Variants in TMEM62 observed in about 807,000 individuals in gnomAD.
The protein encoded by TMEM62 is transmembrane protein 62.
Under a neutral mutation model 70.4 loss-of-function variants are expected in TMEM62, and 41 were observed. The observed-to-expected ratio is 0.58, with a 90% CI of 0.45 to 0.76. TMEM62 has a LOEUF of 0.76. Ranked by LOEUF, TMEM62 falls within the 30% of genes least tolerant of loss-of-function variation. The pLI is 0.00. For synonymous variants in TMEM62, 268 were observed against 291.0 expected, an observed-to-expected ratio of 0.92 and a Z score of 0.80; for missense variants, 688 against 788.5, an observed-to-expected ratio of 0.87 and a Z score of 1.53.
intron 8 of TMEM62, among the ~76,000 whole-genome samples, chr15:43,154,097 A>T (rs2037744535): frequency 6.6e-6 from 1 of 152,246 alleles, no homozygotes; most frequent in Non-Finnish European, 1.5e-5. Context: ...ATTAACTTGT[A>T]AAAAATGGTA....
intron 3 of TMEM62, among the ~76,000 whole-genome samples, chr15:43,137,601 A>G (rs904416755): frequency 2.6e-5 from 4 of 152,260 alleles, no homozygotes; most frequent in Admixed American, 2.6e-4. Context: ...CTGGAGCCTC[A>G]GTTAAATCTG....
intron 10 of TMEM62, among the ~76,000 whole-genome samples, chr15:43,163,493 G>A (rs1373577304): frequency 1.3e-5 from 2 of 151,740 alleles, no homozygotes; most frequent in South Asian, 2.1e-4. Flanking sequence ...ATTAAAATAC[G>A]GTTCTGGGGC....
chr15:43,180,080 T>G (rs953763243), intron 12 of TMEM62: 1 of 152,216 alleles, frequency 6.6e-6, no homozygotes, highest in Non-Finnish European at 1.5e-5. Context: ...AAATTGCCTC[T>G]GACTTTTTAA....
intron 12 of TMEM62, chr15:43,180,566 A>T (rs2041237137): frequency 6.6e-6 from 1 of 152,224 alleles, no homozygotes; most frequent in African/African-American, 2.4e-5. Context: ...ACACACTGAG[A>T]ATGGGGCAGT....
chr15:43,134,062 C>T (rs1418783212), intron 1 of TMEM62, 80 bp downstream of exon 1: 11 of 1,438,702 alleles, frequency 7.6e-6, no homozygotes, highest in Non-Finnish European at 1.0e-5. Flanking sequence ...TGTTGGGCCC[C>T]ACGCTCCAGG....
chr15:43,151,082 C>T (rs915950531), intron 7 of TMEM62, among the ~76,000 whole-genome samples: 7 of 152,102 alleles, frequency 4.6e-5, no homozygotes, highest in East Asian at 3.8e-4. Flanking sequence ...TGGTGGCTTA[C>T]GCCTATAATC....
chr15:43,166,565 T>C (rs916192640), intron 10 of TMEM62, among the ~76,000 whole-genome samples: 8 of 151,998 alleles, frequency 5.3e-5, no homozygotes, highest in Non-Finnish European at 8.8e-5. Flanking sequence ...TTCTTTTTTT[T>C]TTTTTTTTTA....
chr15:43,179,254 C>G, intron 12 of TMEM62, among the ~76,000 whole-genome samples: 1 of 152,062 alleles, frequency 6.6e-6, no homozygotes. Context: ...ATATATCTAT[C>G]CATTGGTATT....
chr15:43,166,554 T>C (rs1310796469), intron 10 of TMEM62, among the ~76,000 whole-genome samples: 1 of 151,974 alleles, frequency 6.6e-6, no homozygotes, highest in Non-Finnish European at 1.5e-5. Flanking sequence ...CCTTGAGGTT[T>C]TTCTTTTTTT....
At chr15:43,177,877 T>C (rs547924749) in intron 11 of TMEM62, among the ~76,000 whole-genome samples, 1 of 151,878 alleles carries the variant, frequency 6.6e-6, no homozygotes, top group African/African-American at 2.4e-5. Context: ...GGGATAGCAT[T>C]AGGAGATATA....
chr15:43,176,350 G>A (rs1265095124), intron 11 of TMEM62, among the ~76,000 whole-genome samples: 1 of 152,250 alleles, frequency 6.6e-6, no homozygotes, highest in African/African-American at 2.4e-5. Flanking sequence ...CCAGCACGCA[G>A]CTGGAGATCT....
chr15:43,146,275 T>C (rs922969020), intron 4 of TMEM62: 78 of 431,490 alleles, frequency 1.8e-4, no homozygotes, highest in African/African-American at 1.4e-3. Flanking sequence ...GGTGAACTTG[T>C]ATTTGGTTAT....
In TMEM62 at chr15:43,133,856, G is replaced by T; in HGVS notation, c.54G>T (p.Leu18=). 1 of 1,478,202 alleles carries T rather than the reference G, an allele frequency of 6.8e-7. No individual in the cohort carries two copies. The highest frequency in any genetic ancestry group is 8.9e-7 in the Non-Finnish European group (1 of 1,122,512). 91.6% of individuals were successfully genotyped at this position (1,478,202 alleles called of 1,614,324 possible). The part of the protein sequence containing the change: ...RVVAGLAAAA[L]VAMLLEHYGL... ...TCGCGGGGTTGGCGGCCGCAGCGCT[G>T]GTGGCCATGCTCTTGGAGCACTACG... Residue 18 remains leucine (L), a synonymous_variant, in exon 1 of 14, where the codon CTG becomes CTT. Transcript: ENST00000260403.
At chr15:43,136,718 A>C (rs2035272127) in intron 3 of TMEM62, among the ~76,000 whole-genome samples, 1 of 151,950 alleles carries the variant, frequency 6.6e-6, no homozygotes, top group Non-Finnish European at 1.5e-5. Flanking sequence ...CAGCCTTCTA[A>C]AGTGGTGGGA....
In TMEM62 at chr15:43,133,742, C is replaced by G. The variant is rs938724135; in HGVS notation, c.-61C>G. 7.4e-6 allele frequency: 9 copies of G among 1,216,380 alleles called. No individual in the cohort carries two copies. The Admixed American group carries it at 1.7e-4, about 23-fold the overall frequency. The allele number at this position is 1,216,380 out of a possible 1,614,324, so 75.3% of individuals were successfully genotyped here. A position where few individuals can be genotyped will look rare whatever the true frequency, so the allele number is the denominator to read the frequency against. On this transcript the variant is annotated 5_prime_UTR_variant, in exon 1 of 14. Coordinates refer to ENST00000260403, the MANE Select transcript of TMEM62 (RefSeq NM_024956.4). ...CCGGAAGTGCAGGCAAAGCGGCTCC[C>G]GGGAGCGCCGCGCGGTCCTGCGCGG...
intron 4 of TMEM62, 48 bp downstream of exon 4, chr15:43,138,667 A>C (rs1596193824): frequency 7.0e-7 from 1 of 1,431,956 alleles, no homozygotes; most frequent in Non-Finnish European, 9.7e-7. Flanking sequence ...TCAGTGTTAT[A>C]AGGAGGGTGT....
Position 43,146,539 on chromosome 15 carries a change from A to G in TMEM62, c.523A>G (p.Ser175Gly). Residue 175 changes from serine to glycine, a missense_variant, in exon 5 of 14, where the codon AGT becomes GGT. Coordinates refer to ENST00000260403, the MANE Select transcript of TMEM62 (RefSeq NM_024956.4). ...AGATGGCTCTTTCCATTATGTCCACAGTACTCCCTTTGGCAACTATTCGTT... is the reference window on the plus strand; with the variant it reads ...AGATGGCTCTTTCCATTATGTCCACGGTACTCCCTTTGGCAACTATTCGTT... ...RRDGSFHYVH[S>G]TPFGNYSFIC... 1 of 1,613,870 alleles carries G rather than the reference A, an allele frequency of 6.2e-7. No individual in the cohort carries two copies. The highest frequency in any genetic ancestry group is 8.5e-7 in the Non-Finnish European group (1 of 1,179,832).
chr15:43,150,722 G>T (rs1596254315), intron 7 of TMEM62, among the ~76,000 whole-genome samples: 1 of 152,064 alleles, frequency 6.6e-6, no homozygotes, highest in Non-Finnish European at 1.5e-5. Context: ...TCGACATGTC[G>T]ATTCCAGGGC....
Position 43,178,634 on chromosome 15 carries a change from C to A in TMEM62, c.1409C>A (p.Ser470Ter). The A allele has an allele frequency of 1.2e-6, 2 of 1,612,446 alleles. No individual in the cohort carries two copies. The highest frequency in any genetic ancestry group is 1.7e-6 in the Non-Finnish European group (2 of 1,178,830). Residue 470 changes from serine to a stop codon, truncating the protein, a stop_gained, in exon 12 of 14, where the codon TCA becomes TAA. Transcript: ENST00000260403. LOFTEE classifies it high-confidence loss of function. Reference sequence around the variant, plus strand: ...CCTTCAGGGTTTATAAATCTGACCTCATTTTCTCTTCATGTCTTGAGCAAA... The same window carrying A: ...CCTTCAGGGTTTATAAATCTGACCTAATTTTCTCTTCATGTCTTGAGCAAA... ...KEPSGFINLT[S>*]FSLHVLSKIN...
Sources: allele counts gnomAD v4.1 joint callset (sites outside exome capture counted in the v4.1 genomes callset), GRCh38; gene constraint gnomAD v4.1.1; transcripts MANE v1.5; gene names NCBI Gene and HGNC (gene_info 2026-07-23, HGNC 2026-07-21).